Variants in DCC observed in about 807,000 individuals in gnomAD.
DCC encodes netrin receptor DCC.
A neutral mutation model predicts 172.5 loss-of-function variants in DCC; 58 were observed. The observed-to-expected ratio is 0.34, with a 90% CI of 0.27 to 0.42. The LOEUF is 0.42. DCC is among the 10% of genes least tolerant of loss of function. The pLI is 1.00. For synonymous variants in DCC, 709 were observed against 644.5 expected, an observed-to-expected ratio of 1.10 and a Z score of -1.52; for missense variants, 1,740 against 1,791.0, an observed-to-expected ratio of 0.97 and a Z score of 0.51.
chr18:53,149,521 C>G (rs2043967757), intron 7 of DCC, among the ~76,000 whole-genome samples: 1 of 152,170 alleles, frequency 6.6e-6, no homozygotes, highest in African/African-American at 2.4e-5. Flanking sequence ...ATACATGATG[C>G]CCTAGCCACC....
intron 28 of DCC, among the ~76,000 whole-genome samples, chr18:53,528,027 A>G (rs1408373870): frequency 6.6e-6 from 1 of 152,152 alleles, no homozygotes; most frequent in Non-Finnish European, 1.5e-5. Context: ...AAAATTTGCA[A>G]ATAATGTATT....
At chr18:52,473,475 A>C (rs539257030) in intron 1 of DCC, among the ~76,000 whole-genome samples, 2 of 152,320 alleles carry the variant, frequency 1.3e-5, no homozygotes, top group South Asian at 4.1e-4. Flanking sequence ...TAATTTACAA[A>C]GGAAAGAGGT....
chr18:53,221,540 T>C (rs2055932566), intron 12 of DCC, among the ~76,000 whole-genome samples: 2 of 152,236 alleles, frequency 1.3e-5, no homozygotes, highest in South Asian at 4.1e-4. Context: ...TATGTGGGAA[T>C]GTGAGAGAAA....
At chr18:53,446,855 G>A (rs1357572478) in intron 22 of DCC, among the ~76,000 whole-genome samples, 1 of 151,944 alleles carries the variant, frequency 6.6e-6, no homozygotes, top group Non-Finnish European at 1.5e-5. Flanking sequence ...TTTTCTTTTT[G>A]TTGGTGACTT....
chr18:53,276,673 A>G (rs1397524079), intron 12 of DCC, among the ~76,000 whole-genome samples: 1 of 152,184 alleles, frequency 6.6e-6, no homozygotes, highest in African/African-American at 2.4e-5. Flanking sequence ...TCTGAGATAT[A>G]TCTAGAAAGT....
chr18:53,060,907 C>T (rs1326030619), intron 5 of DCC, among the ~76,000 whole-genome samples: 1 of 151,902 alleles, frequency 6.6e-6, no homozygotes, highest in Non-Finnish European at 1.5e-5. Context: ...ATATAGAAAA[C>T]TACTCTAATT....
chr18:53,376,309 A>G (rs1907281830), intron 15 of DCC, among the ~76,000 whole-genome samples: 1 of 152,080 alleles, frequency 6.6e-6, no homozygotes, highest in Non-Finnish European at 1.5e-5. Flanking sequence ...GCTTGAACCT[A>G]GGAGGCGGAG....
chr18:52,410,663 A>G (rs1015693249), intron 1 of DCC, among the ~76,000 whole-genome samples: 3 of 152,126 alleles, frequency 2.0e-5, no homozygotes, highest in African/African-American at 7.2e-5. Context: ...TTCCAGTTTG[A>G]AAGCCTGTAC....
At chr18:53,453,835 G>T (rs538918668) in intron 23 of DCC, among the ~76,000 whole-genome samples, 155 of 151,888 alleles carry the variant, frequency 1.0e-3, no homozygotes, top group African/African-American at 3.3e-3. Flanking sequence ...TTTTTTGTTG[G>T]TTTTTTTGTC....
intron 12 of DCC, among the ~76,000 whole-genome samples, chr18:53,238,945 C>T (rs1318254685): frequency 1.4e-5 from 2 of 146,944 alleles, no homozygotes; most frequent in African/African-American, 5.0e-5. Context: ...ATCGCAAGGA[C>T]AAAAAACCAA....
At chr18:53,283,289 G>A (rs756337469) in intron 12 of DCC, among the ~76,000 whole-genome samples, 1 of 152,042 alleles carries the variant, frequency 6.6e-6, no homozygotes, top group Admixed American at 6.6e-5. Flanking sequence ...CAAGACAAAG[G>A]TTGCCTTCTG....
intron 22 of DCC, among the ~76,000 whole-genome samples, chr18:53,447,952 T>C (rs1434767599): frequency 6.6e-6 from 1 of 152,114 alleles, no homozygotes; most frequent in Non-Finnish European, 1.5e-5. Flanking sequence ...TTAAAAACTT[T>C]TGATGAGTTT....
At chr18:52,520,605 G>T (rs1170041278) in intron 1 of DCC, among the ~76,000 whole-genome samples, 3 of 152,094 alleles carry the variant, frequency 2.0e-5, no homozygotes, top group Non-Finnish European at 2.9e-5. Flanking sequence ...TTGTGAGGAG[G>T]GAATAGCTGC....
At chr18:53,443,912 G>A (rs1472271614) in intron 22 of DCC, among the ~76,000 whole-genome samples, 3 of 152,196 alleles carry the variant, frequency 2.0e-5, no homozygotes, top group Non-Finnish European at 4.4e-5. Flanking sequence ...GATAAGAGGA[G>A]CCTTGAAGAA....
chr18:52,985,974 G>A (rs1170378350), intron 5 of DCC, among the ~76,000 whole-genome samples: 4 of 152,112 alleles, frequency 2.6e-5, no homozygotes, highest in African/African-American at 9.7e-5. Flanking sequence ...GCCTTTTAGG[G>A]TTGGCTGTTC....
chr18:52,882,492 CTGTT>C (rs2039501238), intron 2 of DCC, among the ~76,000 whole-genome samples: 1 of 151,830 alleles, frequency 6.6e-6, no homozygotes, highest in Non-Finnish European at 1.5e-5. Flanking sequence ...GTTTCCATTA[CTGTT>C]TGTTTCAACA....
At chr18:53,225,324 C>T (rs1163200938) in intron 12 of DCC, among the ~76,000 whole-genome samples, 1 of 152,054 alleles carries the variant, frequency 6.6e-6, no homozygotes, top group Non-Finnish European at 1.5e-5. Context: ...TTGTTTGTTT[C>T]ATTTATTTTT....
chr18:53,087,784 G>T (rs911057904), intron 7 of DCC, among the ~76,000 whole-genome samples: 1 of 152,164 alleles, frequency 6.6e-6, no homozygotes, highest in African/African-American at 2.4e-5. Flanking sequence ...TTTATATAAG[G>T]TGTAAGGAAG....
intron 7 of DCC, among the ~76,000 whole-genome samples, chr18:53,115,203 T>C (rs1026963623): frequency 2.6e-5 from 4 of 151,664 alleles, no homozygotes; most frequent in African/African-American, 9.7e-5. Context: ...ACTGGTTGTA[T>C]GCCAATGATG....
Sources: gnomAD v4.1 joint callset for allele counts (sites outside exome capture counted in the v4.1 genomes callset) on GRCh38, gnomAD v4.1.1 for gene constraint, MANE v1.5 for transcripts, NCBI Gene and HGNC (gene_info 2026-07-23, HGNC 2026-07-21) for gene names.